Variants in AGBL4 observed in about 807,000 individuals in gnomAD.
The protein encoded by AGBL4 is cytosolic carboxypeptidase 6.
A neutral mutation model predicts 66.4 loss-of-function variants in AGBL4; 58 were observed. The observed-to-expected ratio is 0.87, with a 90% CI of 0.71 to 1.09. The LOEUF (loss-of-function observed/expected upper bound fraction) is 1.09, where lower values mean the gene tolerates loss of function less well. Among genes scored for constraint, AGBL4 ranks in the 50% least tolerant of loss-of-function variants. The probability of loss-of-function intolerance (pLI) is 0.00; values close to 1 mark genes in which losing one functional copy is unlikely to be tolerated. For synonymous variants in AGBL4, 234 were observed against 222.9 expected, an observed-to-expected ratio of 1.05 and a Z score of -0.44; for missense variants, 579 against 631.0, an observed-to-expected ratio of 0.92 and a Z score of 0.88.
intron 6 of AGBL4, among the ~76,000 whole-genome samples, chr1:48,811,334 C>A (rs1646044584): frequency 1.3e-5 from 2 of 152,170 alleles, no homozygotes; most frequent in Non-Finnish European, 1.5e-5. Context: ...AGGAGAACTG[C>A]CCACAGTCAC....
chr1:48,703,279 C>A (rs949256680), intron 6 of AGBL4, among the ~76,000 whole-genome samples: 1 of 152,000 alleles, frequency 6.6e-6, no homozygotes, highest in African/African-American at 2.4e-5. Context: ...TAAGACAATA[C>A]GGCAAGTCGG....
intron 3 of AGBL4, among the ~76,000 whole-genome samples, chr1:49,601,459 A>G (rs1460982076): frequency 1.3e-5 from 2 of 152,062 alleles, no homozygotes; most frequent in Non-Finnish European, 2.9e-5. Flanking sequence ...GAAGTTCTAC[A>G]AGGCTACAGT....
rs576115073 is a variant in AGBL4, at chr1:48,905,719, G to C, written c.595-38489C>G. ...TGTGTGTAAAGTTCAGGCCCACCTA[G>C]ACTTGCTATGTCACATAGGTGATGA... On this transcript the variant is annotated intron_variant, in intron 5 of 13. Coordinates refer to ENST00000371839, the MANE Select transcript of AGBL4 (RefSeq NM_032785.4). Among the ~76,000 whole-genome samples, 39 of 152,272 alleles carry C rather than the reference G, an allele frequency of 2.6e-4. No individual in the cohort carries two copies. In the South Asian group the frequency reaches 7.0e-3, roughly 28 times the overall value.
chr1:49,851,739 G>A (rs1020019161), intron 1 of AGBL4, among the ~76,000 whole-genome samples: 4 of 152,042 alleles, frequency 2.6e-5, no homozygotes, highest in African/African-American at 9.7e-5. Flanking sequence ...ATGCCCCAAA[G>A]CAATCAACCT....
intron 5 of AGBL4, among the ~76,000 whole-genome samples, chr1:48,936,090 C>T (rs930853289): frequency 6.7e-6 from 1 of 148,256 alleles, no homozygotes; most frequent in African/African-American, 2.5e-5. Flanking sequence ...AGCTTGAGAC[C>T]AACCTGGGCA....
chr1:48,780,198 C>A (rs1487999874), intron 6 of AGBL4, among the ~76,000 whole-genome samples: 1 of 145,050 alleles, frequency 6.9e-6, no homozygotes, highest in Non-Finnish European at 1.5e-5. Context: ...CCCCCACCCC[C>A]CTACAGGCCC....
At chr1:48,680,653 C>CT (rs1357574796) in intron 6 of AGBL4, among the ~76,000 whole-genome samples, 13 of 152,338 alleles carry the variant, frequency 8.5e-5, no homozygotes, top group African/African-American at 3.1e-4. Context: ...CCCTCCGTGA[C>CT]TAAGTGCTGA....
chr1:49,934,330 A>G (rs1356091301), intron 1 of AGBL4, among the ~76,000 whole-genome samples: 1 of 152,152 alleles, frequency 6.6e-6, no homozygotes, highest in African/African-American at 2.4e-5. Context: ...ACCCAACAGC[A>G]GCAGAATATA....
At chr1:49,979,298 A>G (rs928946781) in intron 1 of AGBL4, among the ~76,000 whole-genome samples, 2 of 151,270 alleles carry the variant, frequency 1.3e-5, no homozygotes, top group Non-Finnish European at 2.9e-5. Flanking sequence ...CGTCTCTACT[A>G]AAAATACAAA....
At chr1:49,350,898 A>T (rs1645739923) in intron 3 of AGBL4, among the ~76,000 whole-genome samples, 1 of 152,102 alleles carries the variant, frequency 6.6e-6, no homozygotes, top group Non-Finnish European at 1.5e-5. Flanking sequence ...TTTCAGCTTT[A>T]GGTAAGGGTA....
chr1:49,008,835 C>A (rs985582429), intron 5 of AGBL4, among the ~76,000 whole-genome samples: 2 of 151,638 alleles, frequency 1.3e-5, no homozygotes, highest in Non-Finnish European at 2.9e-5. Flanking sequence ...CCAACGAGAA[C>A]AAAGACACAA....
intron 1 of AGBL4, among the ~76,000 whole-genome samples, chr1:49,903,597 G>A (rs1649983910): frequency 6.6e-6 from 1 of 152,034 alleles, no homozygotes; most frequent in Non-Finnish European, 1.5e-5. Flanking sequence ...TAAAACAGGG[G>A]TTAATATTAC....
At chr1:48,574,183 GCTT>G (rs1644612781) in intron 11 of AGBL4, among the ~76,000 whole-genome samples, 1 of 152,206 alleles carries the variant, frequency 6.6e-6, no homozygotes. Flanking sequence ...ACAAGTTCAA[GCTT>G]CTGTGAGGAT....
chr1:48,543,334 C>A (rs977365449), intron 11 of AGBL4, among the ~76,000 whole-genome samples: 1 of 152,072 alleles, frequency 6.6e-6, no homozygotes, highest in Non-Finnish European at 1.5e-5. Flanking sequence ...ACTGAAGGGG[C>A]ATTTCGGGGA....
At chr1:49,796,469 G>T (rs141886174) in intron 2 of AGBL4, among the ~76,000 whole-genome samples, 2 of 150,682 alleles carry the variant, frequency 1.3e-5, no homozygotes, top group South Asian at 4.2e-4. Flanking sequence ...AATTCCAACC[G>T]CTTAATAATA....
intron 1 of AGBL4, among the ~76,000 whole-genome samples, chr1:49,942,210 A>G (rs925224913): frequency 6.6e-6 from 1 of 152,056 alleles, no homozygotes; most frequent in Non-Finnish European, 1.5e-5. Context: ...ATAAATATAA[A>G]CCTCATGTCG....
At chr1:49,948,503 A>C (rs1212549182) in intron 1 of AGBL4, among the ~76,000 whole-genome samples, 1 of 127,578 alleles carries the variant, frequency 7.8e-6, no homozygotes, top group Non-Finnish European at 1.6e-5. Context: ...AAAAATATAT[A>C]TAAATATATA....
At chr1:48,787,258 T>C (rs1570672631) in intron 6 of AGBL4, among the ~76,000 whole-genome samples, 1 of 152,276 alleles carries the variant, frequency 6.6e-6, no homozygotes. Context: ...GGGGAGATGA[T>C]GAAACATTCA....
intron 2 of AGBL4, among the ~76,000 whole-genome samples, chr1:49,824,762 T>C (rs1645463808): frequency 6.6e-6 from 1 of 152,200 alleles, no homozygotes; most frequent in Admixed American, 6.5e-5. Context: ...TGTGTAAACA[T>C]AGTCTAAAAC....
Sources: gnomAD v4.1 joint callset for allele counts (sites outside exome capture counted in the v4.1 genomes callset) on GRCh38, gnomAD v4.1.1 for gene constraint, MANE v1.5 for transcripts, NCBI Gene and HGNC (gene_info 2026-07-23, HGNC 2026-07-21) for gene names.